CD247: variants seen among roughly 807,000 people sequenced by gnomAD.
CD247 encodes T-cell surface glycoprotein CD3 zeta chain.
Under a neutral mutation model 30.0 loss-of-function variants are expected in CD247, and 13 were observed. The ratio of observed to expected loss-of-function variants is 0.43; its 90% CI spans 0.28 to 0.69. CD247 has a LOEUF of 0.69. Among genes scored for constraint, CD247 ranks in the 30% least tolerant of loss-of-function variants. The probability of loss-of-function intolerance (pLI) is 0.16; values close to 1 mark genes in which losing one functional copy is unlikely to be tolerated. For synonymous variants in CD247, 72 were observed against 80.0 expected (o/e 0.90, Z 0.53); for missense variants, 193 against 212.6 (o/e 0.91, Z 0.57).
At chr1:167,458,689 C>CTTTTTTTTTTTTT (rs3070395) in intron 1 of CD247, 36 of 95,378 alleles carry the variant, frequency 3.8e-4, no homozygotes, top group African/African-American at 6.5e-4. Context: ...TTCTTTCTTT[C>CTTTTTTTTTTTTT]TTTTTTTTTT....
At chr1:167,442,368 G>A (rs566451022) in intron 1 of CD247, among the ~76,000 whole-genome samples, 125 of 152,316 alleles carry the variant, frequency 8.2e-4, no homozygotes, top group African/African-American at 2.9e-3. Flanking sequence ...AGGGCAGAGG[G>A]AGTGGAGGCC....
chr1:167,495,476 G>A (rs572928605), intron 1 of CD247, among the ~76,000 whole-genome samples: 3 of 152,320 alleles, frequency 2.0e-5, no homozygotes, highest in African/African-American at 4.8e-5. Flanking sequence ...GAGCGCAACA[G>A]ATGTTTCTTG....
chr1:167,506,266 C>A (rs1477571792), intron 1 of CD247, among the ~76,000 whole-genome samples: 1 of 16,244 alleles, frequency 6.2e-5, no homozygotes, highest in Non-Finnish European at 1.3e-4. Context: ...CTTTTCTTTT[C>A]TTTTCCTTTT....
At chr1:167,432,306 C>G (rs36125795) in intron 7 of CD247, among the ~76,000 whole-genome samples, 2,927 of 152,282 alleles carry the variant, frequency 0.019, 92 homozygotes, top group African/African-American at 0.065. Flanking sequence ...TGCTGGAATG[C>G]CTGTCCCCCT....
In CD247 at chr1:167,431,430, A is replaced by G. The variant is rs896405612; in HGVS notation, c.*251T>C. 2 of 560,186 alleles carry G rather than the reference A, an allele frequency of 3.6e-6. No homozygotes were observed. The highest frequency in any genetic ancestry group is 3.8e-5 in the African/African-American group (2 of 52,080). 34.7% of individuals were successfully genotyped at this position (560,186 alleles called of 1,614,324 possible). A position where few individuals can be genotyped will look rare whatever the true frequency, so the allele number is the denominator to read the frequency against. On this transcript the variant is annotated 3_prime_UTR_variant, in exon 8 of 8. Transcript: ENST00000362089. ...CGAGGAACCGCCAGGAGACAGGTCT[A>G]CCTGCACCACCGGCAAACCAGAGGG...
chr1:167,467,029 C>T (rs953934813), intron 1 of CD247, among the ~76,000 whole-genome samples: 2 of 152,066 alleles, frequency 1.3e-5, no homozygotes, highest in Admixed American at 6.6e-5. Flanking sequence ...TTAGTAGAGA[C>T]GGGATTTCAC....
At chr1:167,437,297 C>T (rs1384578169) in intron 4 of CD247, among the ~76,000 whole-genome samples, 1 of 151,736 alleles carries the variant, frequency 6.6e-6, no homozygotes, top group Admixed American at 6.6e-5. Flanking sequence ...CCCAGCTACT[C>T]GGGAGGCTGA....
intron 1 of CD247, among the ~76,000 whole-genome samples, chr1:167,517,870 C>T (rs1655682335): frequency 6.6e-6 from 1 of 152,210 alleles, no homozygotes; most frequent in South Asian, 2.1e-4. Context: ...CCCCTCTCCT[C>T]CTTGGTTACC....
At chr1:167,438,879 T>G (rs1432403644) in intron 3 of CD247, among the ~76,000 whole-genome samples, 3 of 152,190 alleles carry the variant, frequency 2.0e-5, no homozygotes, top group Non-Finnish European at 2.9e-5. Context: ...CACCAAGTAC[T>G]ATAGGCTGAT....
intron 1 of CD247, among the ~76,000 whole-genome samples, chr1:167,476,152 T>C (rs1008775061): frequency 4.6e-5 from 7 of 152,204 alleles, no homozygotes; most frequent in Admixed American, 4.6e-4. Flanking sequence ...GAAAAGCAGT[T>C]GGTGAGAAGT....
chr1:167,457,028 G>T (rs571078587), intron 1 of CD247, among the ~76,000 whole-genome samples: 13 of 152,290 alleles, frequency 8.5e-5, no homozygotes, highest in Non-Finnish European at 1.6e-4. Context: ...ACCTCCAGTC[G>T]TTTTCTGAGG....
In CD247 at chr1:167,434,039, TCACTGTAGGCCTCCGC is replaced by T. The variant is rs773202723; in HGVS notation, c.358_373del (p.Ala120ArgfsTer4). 1.9e-6 allele frequency: 3 copies of T among 1,614,006 alleles called. No homozygotes were observed. Among genetic ancestry groups the T allele is most frequent in the Non-Finnish European group, 2.5e-6 (3 of 1,179,976 alleles). The stretch of plus-strand genomic sequence containing the variant: ...ACTCACCTCGCCTTTCATCCCAATC[TCACTGTAGGCCTCCGC>T]CATCTTATCTTTCTGCAGTTCCTGC... On this transcript the variant is annotated frameshift_variant, in exon 6 of 8. Transcript: ENST00000362089. LOFTEE classifies it high-confidence loss of function.
At chr1:167,445,651 G>C (rs1480855188) in intron 1 of CD247, among the ~76,000 whole-genome samples, 1 of 152,110 alleles carries the variant, frequency 6.6e-6, no homozygotes, top group Non-Finnish European at 1.5e-5. Context: ...TATCCTTACA[G>C]AATCTGGTTT....
chr1:167,507,891 C>G (rs1164230821), intron 1 of CD247, among the ~76,000 whole-genome samples: 1 of 152,006 alleles, frequency 6.6e-6, no homozygotes, highest in Non-Finnish European at 1.5e-5. Flanking sequence ...CATATAGGAG[C>G]CATTTTGTGC....
intron 1 of CD247, among the ~76,000 whole-genome samples, chr1:167,488,211 A>T (rs905806026): frequency 6.6e-6 from 1 of 152,254 alleles, no homozygotes; most frequent in Non-Finnish European, 1.5e-5. Flanking sequence ...GCTATAAGAG[A>T]TGATGATCAT....
intron 1 of CD247, among the ~76,000 whole-genome samples, chr1:167,442,128 G>C (rs1018998522): frequency 2.0e-5 from 3 of 152,198 alleles, no homozygotes; most frequent in African/African-American, 7.2e-5. Context: ...AATTTAAAAA[G>C]TTAGTGTTTT....
At chr1:167,501,900 C>A (rs1281102451) in intron 1 of CD247, among the ~76,000 whole-genome samples, 1 of 152,222 alleles carries the variant, frequency 6.6e-6, no homozygotes, top group African/African-American at 2.4e-5. Context: ...TGTCTAAAAT[C>A]CAAAACAAGC....
chr1:167,442,838 G>A (rs1014379579), intron 1 of CD247, among the ~76,000 whole-genome samples: 9 of 151,804 alleles, frequency 5.9e-5, no homozygotes, highest in African/African-American at 1.9e-4. Context: ...ACCCTGCCCA[G>A]AGACCATTGA....
chr1:167,439,432 T>C, intron 2 of CD247, 32 bp from the exon 3 acceptor site: 2 of 1,611,510 alleles, frequency 1.2e-6, no homozygotes, highest in South Asian at 1.1e-5. Context: ...GCGTTACTGC[T>C]CCGCGAGGGC....
Sources: allele counts gnomAD v4.1 joint callset (sites outside exome capture counted in the v4.1 genomes callset), GRCh38; gene constraint gnomAD v4.1.1; transcripts MANE v1.5; gene names NCBI Gene and HGNC (gene_info 2026-07-23, HGNC 2026-07-21).